The following RCL1 variants were observed in gnomAD, a reference collection of about 807,000 sequenced individuals.
RCL1 encodes RNA terminal phosphate cyclase like 1.
In RCL1, 24 loss-of-function variants were observed where a neutral mutation model predicts 42.4. The ratio of observed to expected loss-of-function variants is 0.57; its 90% confidence interval spans 0.41 to 0.80. The LOEUF is 0.80. Among genes scored for constraint, RCL1 ranks in the 30% least tolerant of loss-of-function variants. The probability of loss-of-function intolerance (pLI) is 0.00; values close to 1 mark genes in which losing one functional copy is unlikely to be tolerated. For missense variants in RCL1, 578 were observed against 467.9 expected, an observed-to-expected ratio of 1.24 and a Z score of -2.17; for synonymous variants, 228 against 177.3, an observed-to-expected ratio of 1.29 and a Z score of -2.27.
At chr9:4,826,518 C>G (rs531587855) in intron 2 of RCL1, among the ~76,000 whole-genome samples, 107 of 152,274 alleles carry the variant, frequency 7.0e-4, no homozygotes, top group African/African-American at 2.4e-3. Context: ...TAATTCCCCT[C>G]TGTGGTCAGC....
At chr9:4,824,108 A>G (rs1816682077) in intron 2 of RCL1, among the ~76,000 whole-genome samples, 2 of 152,226 alleles carry the variant, frequency 1.3e-5, no homozygotes, top group African/African-American at 4.8e-5. Context: ...GAAACTTTCC[A>G]AAGTCCATTT....
intron 1 of RCL1, among the ~76,000 whole-genome samples, 171 bp downstream of exon 1, chr9:4,793,398 A>C (rs1211443178): frequency 7.2e-6 from 1 of 139,832 alleles, no homozygotes; most frequent in Non-Finnish European, 1.6e-5. Context: ...ACAGTGGGGG[A>C]GGCGGGGTCG....
chr9:4,802,068 C>G (rs1183885748), intron 1 of RCL1, among the ~76,000 whole-genome samples: 4 of 146,556 alleles, frequency 2.7e-5, no homozygotes, highest in African/African-American at 1.0e-4. Context: ...GCCACCACGC[C>G]TGGCTATTTT....
intron 1 of RCL1, among the ~76,000 whole-genome samples, chr9:4,798,214 G>A (rs540798074): frequency 3.9e-5 from 6 of 152,304 alleles, no homozygotes; most frequent in African/African-American, 1.4e-4. Context: ...GCTGTCCAAA[G>A]TGCCTCTATC....
intron 8 of RCL1, among the ~76,000 whole-genome samples, chr9:4,859,559 ATG>A (rs1818087308): frequency 6.6e-6 from 1 of 152,178 alleles, no homozygotes; most frequent in South Asian, 2.1e-4. Flanking sequence ...TTATTGGAGA[ATG>A]AAGGGAGGGA....
intron 1 of RCL1, among the ~76,000 whole-genome samples, chr9:4,805,188 A>G (rs77303855): frequency 0.031 from 4,729 of 152,224 alleles, 209 homozygotes; most frequent in African/African-American, 0.1. Flanking sequence ...CCCCATCTCT[A>G]CAGAAAACAA....
chr9:4,798,878 C>CTTT (rs33938649), intron 1 of RCL1, among the ~76,000 whole-genome samples: 1 of 139,796 alleles, frequency 7.2e-6, no homozygotes, highest in African/African-American at 2.6e-5. Context: ...AAGACTTCTT[C>CTTT]TTTTTTTTTT....
chr9:4,824,451 A>G (rs1816692869), intron 2 of RCL1, among the ~76,000 whole-genome samples: 1 of 148,550 alleles, frequency 6.7e-6, no homozygotes, highest in African/African-American at 2.5e-5. Flanking sequence ...GTCTTCCTTA[A>G]TATTTCTGTG....
At chr9:4,851,671 C>G (rs1817752695) in intron 8 of RCL1, among the ~76,000 whole-genome samples, 4 of 151,188 alleles carry the variant, frequency 2.6e-5, no homozygotes, top group African/African-American at 9.7e-5. Context: ...TAGTTAAAGT[C>G]ATAGAAACCT....
chr9:4,833,686 A>C (rs112471418), intron 4 of RCL1, among the ~76,000 whole-genome samples: 10 of 152,222 alleles, frequency 6.6e-5, no homozygotes, highest in African/African-American at 2.4e-4. Context: ...TTGTTGAATT[A>C]TATCAATCCA....
chr9:4,860,421 A>C lies in RCL1; in HGVS notation c.*146A>C. 1.1e-6 allele frequency: 1 copy of C among 874,412 alleles called. No individual in the cohort carries two copies. Among genetic ancestry groups the C allele is most frequent in the South Asian group, 1.9e-5 (1 of 52,762 alleles). The allele number at this position is 874,412 out of a possible 1,614,324, so 54.2% of individuals were successfully genotyped here. The stretch of plus-strand genomic sequence containing the variant: ...TGAAGAAATATCAATATACAAATAA[A>C]AGACATCCCTGTAGCATATGGTTTC... On this transcript the variant is annotated 3_prime_UTR_variant, in exon 9 of 9. Transcript: ENST00000381750.
At position 4,842,468 on chromosome 9, in the gene RCL1, G is replaced by A. The variant is rs1047600475; in HGVS notation, c.710+1111G>A. On this transcript the variant is annotated intron_variant, in intron 6 of 8. Coordinates refer to ENST00000381750, the MANE Select transcript of RCL1 (RefSeq NM_005772.5). ...AGTCCAAAGCAACAAAGCTGGTGGCGTCATAACGCTGGGGTTGGGAAAGGA... is the reference window on the plus strand; with the variant it reads ...AGTCCAAAGCAACAAAGCTGGTGGCATCATAACGCTGGGGTTGGGAAAGGA... Among the ~76,000 whole-genome samples, 18 of 152,220 alleles carry A rather than the reference G, an allele frequency of 1.2e-4. 1 individual carries two copies. The highest frequency in any genetic ancestry group is 1.9e-4 in the Non-Finnish European group (13 of 68,046).
At chr9:4,855,920 C>T (rs1817945127) in intron 8 of RCL1, among the ~76,000 whole-genome samples, 1 of 152,294 alleles carries the variant, frequency 6.6e-6, no homozygotes, top group East Asian at 1.9e-4. Flanking sequence ...TCCAAGAGAT[C>T]AGAAGCAAGC....
At chr9:4,832,610 C>G (rs1401410759) in intron 3 of RCL1, among the ~76,000 whole-genome samples, 1 of 151,810 alleles carries the variant, frequency 6.6e-6, no homozygotes, top group South Asian at 2.1e-4. Context: ...GAGATTGAGA[C>G]CATCCTGGCC....
chr9:4,814,952 T>C (rs566147159), intron 1 of RCL1, among the ~76,000 whole-genome samples: 17 of 152,252 alleles, frequency 1.1e-4, no homozygotes, highest in African/African-American at 3.8e-4. Flanking sequence ...TCTCATGGTC[T>C]ATAAGGTTTC....
chr9:4,838,745 A>T (rs979229236), intron 5 of RCL1, among the ~76,000 whole-genome samples: 2 of 152,114 alleles, frequency 1.3e-5, no homozygotes, highest in African/African-American at 4.8e-5. Flanking sequence ...AACCTGAAAA[A>T]TTTTCTGCAA....
At chr9:4,841,405 C>G (rs372465315) in intron 6 of RCL1, 48 bp downstream of exon 6, 16 of 1,491,474 alleles carry the variant, frequency 1.1e-5, no homozygotes, top group African/African-American at 1.4e-5. Context: ...TTTTCACATG[C>G]CTGTTCTAGT....
At chr9:4,834,471 C>CTTTTTTTTTTTTT (rs5896097) in intron 5 of RCL1, among the ~76,000 whole-genome samples, 1 of 128,434 alleles carries the variant, frequency 7.8e-6, no homozygotes, top group African/African-American at 2.9e-5. Context: ...TTGAGTCATT[C>CTTTTTTTTTTTTT]TTTTTTTTTT....
chr9:4,798,034 C>G (rs1391129709), intron 1 of RCL1, among the ~76,000 whole-genome samples: 1 of 152,126 alleles, frequency 6.6e-6, no homozygotes, highest in African/African-American at 2.4e-5. Flanking sequence ...TGCTGTTTTA[C>G]TCAAGGTAAA....
Sources: gnomAD v4.1 joint callset for allele counts (sites outside exome capture counted in the v4.1 genomes callset) on GRCh38, gnomAD v4.1.1 for gene constraint, MANE v1.5 for transcripts, NCBI Gene and HGNC (gene_info 2026-07-23, HGNC 2026-07-21) for gene names.